RIMS2: variants seen among roughly 807,000 people sequenced by gnomAD.
The protein encoded by RIMS2 is regulating synaptic membrane exocytosis protein 2.
Under a neutral mutation model 174.4 loss-of-function variants are expected in RIMS2, and 59 were observed. The ratio of observed to expected loss-of-function variants is 0.34; its 90% CI spans 0.27 to 0.42. The LOEUF (loss-of-function observed/expected upper bound fraction) is 0.42. RIMS2 is among the 10% of genes least tolerant of loss of function. The pLI is 1.00. For synonymous variants in RIMS2, 606 were observed against 572.5 expected, an observed-to-expected ratio of 1.06 and a Z score of -0.84; for missense variants, 1,620 against 1,666.3, an observed-to-expected ratio of 0.97 and a Z score of 0.48.
At chr8:103,684,173 T>A (rs1384799866) in intron 1 of RIMS2, among the ~76,000 whole-genome samples, 1 of 152,134 alleles carries the variant, frequency 6.6e-6, no homozygotes, top group Non-Finnish European at 1.5e-5. Context: ...AATCAAGACA[T>A]AGAAATATTT....
rs11354049 is a variant in RIMS2 at position 103,789,749 on chromosome 8, CTTTTTT to C, written c.698+23229_698+23234del. ...AACATATATTATGATGGATTGTACTCTTTTTTTTTTTTTTTTTTTTTTGAGACAGGG... is the reference window on the plus strand; with the variant it reads ...AACATATATTATGATGGATTGTACTCTTTTTTTTTTTTTTTTGAGACAGGG... On this transcript the variant is annotated intron_variant, in intron 3 of 23. Coordinates refer to ENST00000504942, the Ensembl canonical transcript of RIMS2. 6.0e-4 allele frequency among the ~76,000 whole-genome samples: 51 copies of C among 85,160 alleles called. No homozygotes were observed. The Admixed American group carries it at 6.9e-3, about 12-fold the overall frequency. The allele number at this position is 85,160 out of a possible 152,430, so 55.9% of individuals were successfully genotyped here.
intron 19 of RIMS2, among the ~76,000 whole-genome samples, chr8:104,185,007 T>C (rs1206084930): frequency 1.3e-5 from 2 of 151,482 alleles, no homozygotes; most frequent in African/African-American, 4.8e-5. Context: ...TAGTACTAGC[T>C]AGCGTCTGTT....
intron 1 of RIMS2, among the ~76,000 whole-genome samples, chr8:103,591,581 G>A (rs767049750): frequency 6.6e-6 from 1 of 151,090 alleles, no homozygotes; most frequent in African/African-American, 2.4e-5. Flanking sequence ...ATTAATTATT[G>A]TATGTGGTAT....
At chr8:103,603,190 T>G (rs1249173991) in intron 1 of RIMS2, among the ~76,000 whole-genome samples, 3 of 136,296 alleles carry the variant, frequency 2.2e-5, no homozygotes, top group Non-Finnish European at 4.6e-5. Flanking sequence ...ATATTCCCCT[T>G]CCTGTGTCCA....
At chr8:103,783,840 C>T (rs2098416019) in intron 3 of RIMS2, among the ~76,000 whole-genome samples, 1 of 151,670 alleles carries the variant, frequency 6.6e-6, no homozygotes, top group African/African-American at 2.4e-5. Context: ...GAGGAATCGC[C>T]ACACTGACTT....
chr8:103,515,762 T>A (rs951462372), intron 1 of RIMS2, among the ~76,000 whole-genome samples: 1 of 152,098 alleles, frequency 6.6e-6, no homozygotes, highest in Non-Finnish European at 1.5e-5. Context: ...TATACAATAT[T>A]TCTATAATAT....
At chr8:103,523,538 T>C (rs1832691742) in intron 1 of RIMS2, among the ~76,000 whole-genome samples, 2 of 152,110 alleles carry the variant, frequency 1.3e-5, no homozygotes, top group African/African-American at 4.8e-5. Flanking sequence ...GGCAGGGACT[T>C]GTATGACATG....
chr8:103,631,099 T>G (rs1345133790), intron 1 of RIMS2, among the ~76,000 whole-genome samples: 1 of 152,232 alleles, frequency 6.6e-6, no homozygotes, highest in Non-Finnish European at 1.5e-5. Context: ...TAGTTTCTTT[T>G]GCTGTGCAGA....
intron 3 of RIMS2, among the ~76,000 whole-genome samples, chr8:103,781,464 A>G (rs1166403003): frequency 1.3e-5 from 2 of 152,224 alleles, no homozygotes; most frequent in African/African-American, 2.4e-5. Flanking sequence ...TAGTAAAGTT[A>G]AAATTATTTT....
intron 1 of RIMS2, among the ~76,000 whole-genome samples, chr8:103,665,992 C>T (rs2096664170): frequency 6.6e-6 from 1 of 152,106 alleles, no homozygotes; most frequent in Non-Finnish European, 1.5e-5. Flanking sequence ...TTTCAGTTGA[C>T]TTGTTAGAAG....
intron 1 of RIMS2, among the ~76,000 whole-genome samples, chr8:103,663,870 C>T (rs1255144132): frequency 6.6e-6 from 1 of 152,192 alleles, no homozygotes; most frequent in Non-Finnish European, 1.5e-5. Context: ...ATCACACTAC[C>T]TGACTTCAAA....
intron 1 of RIMS2, among the ~76,000 whole-genome samples, chr8:103,525,270 T>G (rs1833429936): frequency 6.6e-6 from 1 of 152,222 alleles, no homozygotes; most frequent in Non-Finnish European, 1.5e-5. Flanking sequence ...CAAGGTATTT[T>G]TGTTTCAAGC....
intron 1 of RIMS2, among the ~76,000 whole-genome samples, chr8:103,551,029 G>A (rs748400594): frequency 6.6e-6 from 1 of 152,142 alleles, no homozygotes; most frequent in Non-Finnish European, 1.5e-5. Flanking sequence ...ACAAAGATGA[G>A]CTGGTACCAT....
chr8:103,993,978 G>T (rs188088458), intron 17 of RIMS2, among the ~76,000 whole-genome samples: 38 of 149,830 alleles, frequency 2.5e-4, no homozygotes, highest in Admixed American at 2.2e-3. Context: ...TGAGCCTAGG[G>T]AAGTCAAGGC....
chr8:104,196,997 A>G (rs2099027944), intron 19 of RIMS2, among the ~76,000 whole-genome samples: 1 of 152,128 alleles, frequency 6.6e-6, no homozygotes, highest in African/African-American at 2.4e-5. Flanking sequence ...TATTTTTCCT[A>G]TAGATAAATC....
At chr8:103,818,420 A>T (rs1158085877) in intron 3 of RIMS2, among the ~76,000 whole-genome samples, 1 of 152,184 alleles carries the variant, frequency 6.6e-6, no homozygotes, top group Non-Finnish European at 1.5e-5. Context: ...GTATAGAATA[A>T]CCTAAATGTT....
chr8:104,025,959 TA>T (rs1565910890), intron 19 of RIMS2, among the ~76,000 whole-genome samples: 1 of 152,082 alleles, frequency 6.6e-6, no homozygotes, highest in Non-Finnish European at 1.5e-5. Flanking sequence ...CCTAGGTATA[TA>T]ATAGGCTACC....
chr8:103,647,621 C>A (rs1311924141), intron 1 of RIMS2, among the ~76,000 whole-genome samples: 1 of 151,986 alleles, frequency 6.6e-6, no homozygotes, highest in Non-Finnish European at 1.5e-5. Flanking sequence ...GGCCTATTAA[C>A]AGATTCAGTT....
intron 19 of RIMS2, among the ~76,000 whole-genome samples, chr8:104,107,902 T>C (rs1391810520): frequency 6.6e-6 from 1 of 152,090 alleles, no homozygotes; most frequent in African/African-American, 2.4e-5. Context: ...CATTCCAGTC[T>C]GGGCAACAGA....
Sources: gnomAD v4.1 joint callset for allele counts (sites outside exome capture counted in the v4.1 genomes callset) on GRCh38, gnomAD v4.1.1 for gene constraint, MANE v1.5 for transcripts, NCBI Gene and HGNC (gene_info 2026-07-23, HGNC 2026-07-21) for gene names.